Variants in CEP152 observed in about 807,000 individuals in gnomAD.
The protein encoded by CEP152 is centrosomal protein 152.
CEP152 carries 132 observed loss-of-function variants against 188.9 expected under a neutral mutation model. The observed-to-expected ratio is 0.70, with a 90% confidence interval of 0.61 to 0.81. The LOEUF (loss-of-function observed/expected upper bound fraction) is 0.81. Ranked by LOEUF, CEP152 falls within the 30% of genes least tolerant of loss-of-function variation. CEP152 has a pLI of 0.00. For missense variants in CEP152, 1,914 were observed against 1,969.8 expected, an observed-to-expected ratio of 0.97 and a Z score of 0.54; for synonymous variants, 649 against 666.6, an observed-to-expected ratio of 0.97 and a Z score of 0.41.
intron 24 of CEP152, among the ~76,000 whole-genome samples, chr15:48,742,587 CATTA>C (rs1273532743): frequency 2.0e-5 from 3 of 152,198 alleles, no homozygotes; most frequent in African/African-American, 7.2e-5. Flanking sequence ...ATTTACGTTC[CATTA>C]TTTATTGAAA....
chr15:48,774,455 G>A lies in CEP152; in HGVS notation c.1578-1764C>T, dbSNP rs146176191. Among the ~76,000 whole-genome samples, 607 of 152,278 alleles carry A rather than the reference G, an allele frequency of 4.0e-3. 1 individual carries two copies. Among genetic ancestry groups the A allele is most frequent in the African/African-American group, 0.014 (591 of 41,556 alleles). Reference sequence around the variant, plus strand: ...GCTGAAACCCAGTGATAAAAAGAGAGTGTAGGAAGACTCCCGGAGAGAAAA... The same window carrying A: ...GCTGAAACCCAGTGATAAAAAGAGAATGTAGGAAGACTCCCGGAGAGAAAA... On this transcript the variant is annotated intron_variant, in intron 12 of 26. Transcript: ENST00000380950.
At position 48,758,737 on chromosome 15, in the gene CEP152, A is replaced by AAAAT. The variant is rs60447582; in HGVS notation, c.2694+1397_2694+1398insATTT. ...CCATCTCAAAAAAAAAAAAAAAAAAAGGCAAATTCCCAGGACACCCTCCAG... is the reference window on the plus strand; with the variant it reads ...CCATCTCAAAAAAAAAAAAAAAAAAAAAATGGCAAATTCCCAGGACACCCTCCAG... On this transcript the variant is annotated intron_variant, in intron 19 of 26. Coordinates refer to ENST00000380950, the MANE Select transcript of CEP152 (RefSeq NM_001194998.2). 1.7e-3 allele frequency among the ~76,000 whole-genome samples: 253 copies of AAAAT among 150,002 alleles called. 3 individuals are homozygous for AAAAT. Among genetic ancestry groups the AAAAT allele is most frequent in the Non-Finnish European group, 2.7e-3 (179 of 67,404 alleles).
intron 8 of CEP152, among the ~76,000 whole-genome samples, chr15:48,789,938 C>G (rs1896898936): frequency 6.6e-6 from 1 of 152,192 alleles, no homozygotes; most frequent in South Asian, 2.1e-4. Context: ...TTGTGGTCAT[C>G]TGTTACAGCA....
chr15:48,744,620 C>T (rs1023928670), intron 23 of CEP152, among the ~76,000 whole-genome samples: 1 of 151,894 alleles, frequency 6.6e-6, no homozygotes, highest in Admixed American at 6.6e-5. Flanking sequence ...TGGAGAAATG[C>T]TTATCTAGTA....
chr15:48,771,325 T>C (rs1260205633), intron 13 of CEP152, among the ~76,000 whole-genome samples: 1 of 152,106 alleles, frequency 6.6e-6, no homozygotes, highest in Non-Finnish European at 1.5e-5. Context: ...AATACAGAGG[T>C]GGATTTCAAT....
chr15:48,788,041 G>C (rs1222928111), intron 9 of CEP152, among the ~76,000 whole-genome samples: 1 of 152,128 alleles, frequency 6.6e-6, no homozygotes, highest in East Asian at 1.9e-4. Flanking sequence ...TCAACAGACT[G>C]TATTGCTGTA....
At chr15:48,791,503 G>T (rs1335345014) in intron 7 of CEP152, 127 bp from the exon 8 acceptor site, 4 of 845,924 alleles carry the variant, frequency 4.7e-6, no homozygotes, top group Non-Finnish European at 7.4e-6. Context: ...TCAGAAAAAT[G>T]AACTTTAGTT....
chr15:48,767,497 G>A, intron 15 of CEP152, 34 bp from the exon 16 acceptor site: 2 of 1,613,760 alleles, frequency 1.2e-6, no homozygotes, highest in Non-Finnish European at 1.7e-6. Context: ...GCAATGCCCA[G>A]TCTCACTACG....
intron 26 of CEP152, chr15:48,741,009 T>C (rs1044494636): frequency 1.0e-6 from 1 of 983,970 alleles, no homozygotes; most frequent in African/African-American, 1.8e-5. Context: ...ACAGTTTTGA[T>C]ATTGCTCCTA....
chr15:48,769,088 A>G lies in CEP152; in HGVS notation c.1783-7T>C. On this transcript the variant is annotated splice_polypyrimidine_tract_variant and splice_region_variant and intron_variant, in intron 13 of 26. Coordinates refer to ENST00000380950, the MANE Select transcript of CEP152 (RefSeq NM_001194998.2). ...CTGAGGTATCTGTTTTAGTCTGAAT[A>G]TTAAAAGGTCAAAAGTTTTACAAGT... 1 of 1,599,724 alleles carries G rather than the reference A, an allele frequency of 6.3e-7. No individual in the cohort carries two copies. Among genetic ancestry groups the G allele is most frequent in the Non-Finnish European group, 8.5e-7 (1 of 1,171,080 alleles).
intron 5 of CEP152, 35 bp from the exon 6 acceptor site, chr15:48,796,195 G>A (rs901958741): frequency 1.2e-6 from 2 of 1,610,230 alleles, no homozygotes; most frequent in African/African-American, 2.7e-5. Flanking sequence ...ATTAAGATTT[G>A]GCCTTTTCTT....
chr15:48,750,865 G>A (rs945923326), intron 21 of CEP152, among the ~76,000 whole-genome samples: 11 of 152,090 alleles, frequency 7.2e-5, no homozygotes, highest in African/African-American at 2.7e-4. Flanking sequence ...CAGAATATTT[G>A]TTAGCTCAGA....
In CEP152 at chr15:48,768,209, T is replaced by C. The variant is rs374053407; in HGVS notation, c.2018+10A>G. The C allele has an allele frequency of 1.2e-5, 18 of 1,540,716 alleles. No individual in the cohort carries two copies. The highest frequency in any genetic ancestry group is 8.9e-5 in the South Asian group (8 of 89,582). ...AGGAGACAGTCGTCAGGCATCTATA[T>C]AGACCTTACCTATCCACAGCTTCTT... On this transcript the variant is annotated intron_variant, in intron 15 of 26. Coordinates refer to ENST00000380950, the MANE Select transcript of CEP152 (RefSeq NM_001194998.2).
At chr15:48,741,465 C>A in intron 26 of CEP152, 136 bp downstream of exon 26, 1 of 1,547,448 alleles carries the variant, frequency 6.5e-7, no homozygotes. Context: ...GCGTAAACTT[C>A]TAGTTTAAGT....
At chr15:48,736,693 A>G (rs1747170255), downstream of CEP152, among the ~76,000 whole-genome samples, 1 of 152,210 alleles carries the variant, frequency 6.6e-6, no homozygotes, top group African/African-American at 2.4e-5. Flanking sequence ...ACTTAATCCT[A>G]TTGAGATTAT....
chr15:48,788,158 G>A (rs1387967718), intron 9 of CEP152, among the ~76,000 whole-genome samples: 1 of 152,152 alleles, frequency 6.6e-6, no homozygotes, highest in East Asian at 1.9e-4. Flanking sequence ...AGACTCATTT[G>A]TTTTGGTCTG....
chr15:48,798,769 T>TAAAA (rs1897490129), intron 2 of CEP152, among the ~76,000 whole-genome samples: 1 of 152,220 alleles, frequency 6.6e-6, no homozygotes, highest in Non-Finnish European at 1.5e-5. Context: ...AGCATTCTGC[T>TAAAA]TATTATATAA....
chr15:48,775,655 T>C (rs575422699), intron 12 of CEP152, among the ~76,000 whole-genome samples: 2 of 152,310 alleles, frequency 1.3e-5, no homozygotes, highest in South Asian at 4.1e-4. Flanking sequence ...TATTATACGA[T>C]TCTATTTATA....
chr15:48,791,247 T>A lies in CEP152; in HGVS notation c.962A>T (p.Asn321Ile). 6.2e-7 allele frequency: 1 copy of A among 1,611,798 alleles called. No homozygotes were observed. The highest frequency in any genetic ancestry group is 8.5e-7 in the Non-Finnish European group (1 of 1,179,620). The change falls in exon 8 of 27, where the codon AAT becomes ATT. Residue 321 changes from asparagine to isoleucine, a missense_variant. Coordinates refer to ENST00000380950, the MANE Select transcript of CEP152 (RefSeq NM_001194998.2). Reference sequence around the variant, plus strand: ...AGTTAAAATAGGTACCTGTTCTTCATTGACTTTTAATGCTTGTATCTGAGT... The same window carrying A: ...AGTTAAAATAGGTACCTGTTCTTCAATGACTTTTAATGCTTGTATCTGAGT... Reference protein sequence around the residue: ...LETQIQALKVNEEQMIKKSRT... With the variant: ...LETQIQALKVIEEQMIKKSRT...
Sources: allele counts gnomAD v4.1 joint callset (sites outside exome capture counted in the v4.1 genomes callset), GRCh38; gene constraint gnomAD v4.1.1; transcripts MANE v1.5; gene names NCBI Gene and HGNC (gene_info 2026-07-23, HGNC 2026-07-21).